FBXL17: variants seen among roughly 807,000 people sequenced by gnomAD.
FBXL17 encodes the protein F-box and leucine rich repeat protein 17.
In FBXL17, 22 loss-of-function variants were observed where a neutral mutation model predicts 66.2. The ratio of observed to expected loss-of-function variants is 0.33; its 90% CI spans 0.24 to 0.47. The LOEUF is 0.47. Among genes scored for constraint, FBXL17 ranks in the 20% least tolerant of loss-of-function variants. FBXL17 has a pLI of 1.00. For synonymous variants in FBXL17, 474 were observed against 400.5 expected, an observed-to-expected ratio of 1.18 and a Z score of -2.19; for missense variants, 878 against 948.2, an observed-to-expected ratio of 0.93 and a Z score of 0.97.
rs561200951 is a variant in FBXL17, at chr5:108,266,206, A to G, written c.1507-41978T>C. Among the ~76,000 whole-genome samples, 207 of 152,290 alleles carry G rather than the reference A, an allele frequency of 1.4e-3. 1 individual carries two copies. The highest frequency in any genetic ancestry group is 4.6e-3 in the African/African-American group (192 of 41,566). On this transcript the variant is annotated intron_variant, in intron 4 of 8. Transcript: ENST00000542267. ...TAGCAGAAACTATAATTCTAACTTTAAAGTTTGAATACAGTAGTCTCCCTT... is the reference window on the plus strand; with the variant it reads ...TAGCAGAAACTATAATTCTAACTTTGAAGTTTGAATACAGTAGTCTCCCTT...
At chr5:108,021,903 GAAGT>G (rs1393707288) in intron 6 of FBXL17, among the ~76,000 whole-genome samples, 17 of 151,762 alleles carry the variant, frequency 1.1e-4, no homozygotes, top group Non-Finnish European at 1.8e-4. Flanking sequence ...CCTTTTCTAG[GAAGT>G]AAGGATCAAG....
At chr5:108,239,187 C>T (rs1170836807) in intron 4 of FBXL17, among the ~76,000 whole-genome samples, 2 of 152,046 alleles carry the variant, frequency 1.3e-5, no homozygotes, top group Non-Finnish European at 2.9e-5. Flanking sequence ...ATCCTCCCTG[C>T]GGGAACACCA....
chr5:108,025,717 A>ACACG (rs1554058179), intron 6 of FBXL17, among the ~76,000 whole-genome samples: 7 of 104,012 alleles, frequency 6.7e-5, no homozygotes, highest in African/African-American at 1.4e-4. Flanking sequence ...ACACACACAC[A>ACACG]CGCGCGCGCG....
At chr5:107,949,067 C>G (rs1385428874) in intron 7 of FBXL17, among the ~76,000 whole-genome samples, 1 of 151,326 alleles carries the variant, frequency 6.6e-6, no homozygotes, top group Non-Finnish European at 1.5e-5. Flanking sequence ...TCAATAGTAC[C>G]AAAAATGGCT....
At chr5:108,153,443 T>A (rs1460813563) in intron 6 of FBXL17, among the ~76,000 whole-genome samples, 2 of 152,252 alleles carry the variant, frequency 1.3e-5, no homozygotes, top group Non-Finnish European at 2.9e-5. Context: ...AATATAATGA[T>A]ACAATTTGTT....
intron 6 of FBXL17, among the ~76,000 whole-genome samples, chr5:108,150,695 T>C (rs146263987): frequency 1.3e-5 from 2 of 152,284 alleles, no homozygotes; most frequent in East Asian, 1.9e-4. Flanking sequence ...TGTGATTAAA[T>C]TCAGATTAAA....
intron 4 of FBXL17, among the ~76,000 whole-genome samples, chr5:108,304,794 T>C (rs1298745185): frequency 6.6e-6 from 1 of 151,998 alleles, no homozygotes; most frequent in Non-Finnish European, 1.5e-5. Context: ...ACCTCATATT[T>C]CAGCCTTGTA....
At chr5:107,988,931 T>A (rs954347286) in intron 7 of FBXL17, among the ~76,000 whole-genome samples, 4 of 152,088 alleles carry the variant, frequency 2.6e-5, no homozygotes, top group Admixed American at 2.6e-4. Context: ...AAAGGCATAA[T>A]CCCAAATGAC....
intron 4 of FBXL17, among the ~76,000 whole-genome samples, chr5:108,310,334 C>T (rs1759057745): frequency 6.6e-6 from 1 of 152,142 alleles, no homozygotes; most frequent in South Asian, 2.1e-4. Context: ...ATGGACAGTT[C>T]CTTTTCTACC....
intron 4 of FBXL17, among the ~76,000 whole-genome samples, chr5:108,295,146 A>C (rs1172411120): frequency 6.6e-6 from 1 of 151,986 alleles, no homozygotes; most frequent in Non-Finnish European, 1.5e-5. Context: ...CTGAAACTTT[A>C]CACAATTCGA....
intron 4 of FBXL17, among the ~76,000 whole-genome samples, chr5:108,307,481 A>AT (rs1257083186): frequency 6.6e-6 from 1 of 151,566 alleles, no homozygotes; most frequent in Non-Finnish European, 1.5e-5. Context: ...TAATTTTTTA[A>AT]TTTTTTTGTA....
chr5:108,193,019 A>C (rs1239413163), intron 5 of FBXL17, among the ~76,000 whole-genome samples: 1 of 152,236 alleles, frequency 6.6e-6, no homozygotes. Flanking sequence ...GGAAGTGTTA[A>C]TTTTTAAAAA....
At chr5:108,339,839 T>A (rs1224231482) in intron 4 of FBXL17, among the ~76,000 whole-genome samples, 1 of 152,208 alleles carries the variant, frequency 6.6e-6, no homozygotes. Context: ...AGCTTCCTCC[T>A]GAGATCCCGT....
intron 4 of FBXL17, among the ~76,000 whole-genome samples, chr5:108,231,790 T>C (rs967596273): frequency 1.3e-5 from 2 of 152,078 alleles, no homozygotes; most frequent in African/African-American, 4.8e-5. Flanking sequence ...ATAAAAGAGA[T>C]AGGAACACAG....
intron 4 of FBXL17, among the ~76,000 whole-genome samples, chr5:108,284,535 A>C (rs1043035955): frequency 6.6e-6 from 1 of 151,830 alleles, no homozygotes; most frequent in African/African-American, 2.4e-5. Flanking sequence ...ACAATAGATA[A>C]GGAAGACTTG....
At chr5:108,164,652 G>A (rs1338200338) in intron 6 of FBXL17, among the ~76,000 whole-genome samples, 1 of 152,072 alleles carries the variant, frequency 6.6e-6, no homozygotes, top group African/African-American at 2.4e-5. Flanking sequence ...AGTTAACTAT[G>A]TGCCAGGAAC....
At chr5:108,318,549 TA>T (rs1367657165) in intron 4 of FBXL17, among the ~76,000 whole-genome samples, 2 of 151,910 alleles carry the variant, frequency 1.3e-5, no homozygotes, top group Non-Finnish European at 2.9e-5. Flanking sequence ...TAATAGCATT[TA>T]ATATCTTTCA....
At chr5:108,086,286 T>A (rs1229412328) in intron 6 of FBXL17, among the ~76,000 whole-genome samples, 1 of 152,144 alleles carries the variant, frequency 6.6e-6, no homozygotes, top group South Asian at 2.1e-4. Context: ...GAAAAAATGG[T>A]ACACAAAGAG....
At chr5:107,928,043 A>G (rs1467834777) in intron 7 of FBXL17, among the ~76,000 whole-genome samples, 1 of 152,128 alleles carries the variant, frequency 6.6e-6, no homozygotes, top group Non-Finnish European at 1.5e-5. Context: ...ACCCTAGGAA[A>G]GGAGGTTCTT....
Sources: allele counts gnomAD v4.1 joint callset (sites outside exome capture counted in the v4.1 genomes callset), GRCh38; gene constraint gnomAD v4.1.1; transcripts MANE v1.5; gene names NCBI Gene and HGNC (gene_info 2026-07-23, HGNC 2026-07-21).